Variants in PAAF1 observed in about 807,000 individuals in gnomAD.
The protein encoded by PAAF1 is proteasomal ATPase associated factor 1.
PAAF1 carries 46 observed loss-of-function variants against 52.8 expected under a neutral mutation model. That is an observed-to-expected ratio of 0.87 (90% CI 0.69 to 1.11). The LOEUF (loss-of-function observed/expected upper bound fraction) is 1.11, where lower values mean the gene tolerates loss of function less well. Ranked by LOEUF, PAAF1 falls within the 50% of genes most tolerant of loss-of-function variation. PAAF1 has a pLI of 0.00. For missense variants in PAAF1, 424 were observed against 477.4 expected (o/e 0.89, Z 1.04); for synonymous variants, 178 against 172.8 (o/e 1.03, Z -0.24).
chr11:73,897,328 G>A (rs1158644272), intron 4 of PAAF1, among the ~76,000 whole-genome samples: 8 of 151,856 alleles, frequency 5.3e-5, no homozygotes, highest in Non-Finnish European at 1.2e-4. Flanking sequence ...GCCAGGCGGA[G>A]ACGCTCCTCA....
intron 4 of PAAF1, 133 bp downstream of exon 4, chr11:73,891,334 C>T: frequency 1.8e-6 from 1 of 568,822 alleles, no homozygotes; most frequent in South Asian, 2.1e-5. Flanking sequence ...GATGATACAG[C>T]TGATGAAGTC....
At chr11:73,897,661 C>T (rs1463040105) in intron 4 of PAAF1, among the ~76,000 whole-genome samples, 2 of 144,436 alleles carry the variant, frequency 1.4e-5, no homozygotes, top group African/African-American at 2.8e-5. Context: ...ACTTTCCAGA[C>T]TGGGCGGCCG....
At chr11:73,921,275 C>A (rs1392488751) in intron 10 of PAAF1, among the ~76,000 whole-genome samples, 16 of 148,482 alleles carry the variant, frequency 1.1e-4, no homozygotes, top group African/African-American at 3.8e-4. Flanking sequence ...ACTCCAGCCT[C>A]AGCGACAGAG....
intron 1 of PAAF1, 94 bp downstream of exon 1, chr11:73,877,162 G>A (rs1948764761): frequency 7.8e-7 from 1 of 1,283,922 alleles, no homozygotes; most frequent in Non-Finnish European, 1.0e-6. Flanking sequence ...TATCAATAGG[G>A]GTTACTTCGT....
intron 2 of PAAF1, chr11:73,886,853 C>A (rs888137558): frequency 3.5e-6 from 1 of 284,552 alleles, no homozygotes; most frequent in Non-Finnish European, 7.1e-6. Context: ...TGGGGGCAGA[C>A]CCCTCATGAA....
intron 8 of PAAF1, 74 bp downstream of exon 8, chr11:73,914,578 A>C: frequency 7.9e-7 from 1 of 1,261,390 alleles, no homozygotes; most frequent in Admixed American, 1.8e-5. Flanking sequence ...GCTATTTTGG[A>C]AACATTTCTA....
At chr11:73,877,227 G>A in intron 1 of PAAF1, 159 bp downstream of exon 1, 1 of 687,366 alleles carries the variant, frequency 1.5e-6, no homozygotes, top group Non-Finnish European at 2.2e-6. Context: ...TATCAAACCC[G>A]TATGGTCATT....
At chr11:73,907,536 T>TG (rs1400360021) in intron 6 of PAAF1, among the ~76,000 whole-genome samples, 1 of 152,134 alleles carries the variant, frequency 6.6e-6, no homozygotes, top group Non-Finnish European at 1.5e-5. Flanking sequence ...GACTGACACC[T>TG]GGGAAGGGGT....
At chr11:73,918,272 A>G in intron 9 of PAAF1, among the ~76,000 whole-genome samples, 1 of 151,386 alleles carries the variant, frequency 6.6e-6, no homozygotes, top group East Asian at 1.9e-4. Context: ...TGCCATTCTA[A>G]GTTTATTCCA....
intron 10 of PAAF1, among the ~76,000 whole-genome samples, chr11:73,919,780 A>T (rs933703748): frequency 1.3e-5 from 2 of 152,192 alleles, no homozygotes; most frequent in Non-Finnish European, 2.9e-5. Context: ...TACAGCCTGG[A>T]GGGACTACCT....
At chr11:73,916,348 AC>A (rs1462427230) in intron 8 of PAAF1, among the ~76,000 whole-genome samples, 196 bp from the exon 9 acceptor site, 1 of 152,162 alleles carries the variant, frequency 6.6e-6, no homozygotes, top group Middle Eastern at 3.2e-3. Flanking sequence ...TCCTTAGTCA[AC>A]CCCAGGTTCC....
intron 4 of PAAF1, among the ~76,000 whole-genome samples, chr11:73,892,892 C>G (rs1284218564): frequency 2.0e-5 from 3 of 152,136 alleles, no homozygotes; most frequent in Admixed American, 6.5e-5. Context: ...AATCTCCTGA[C>G]CTTGTGATCC....
At chr11:73,879,455 A>G (rs748607662) in intron 2 of PAAF1, 1 of 152,204 alleles carries the variant, frequency 6.6e-6, no homozygotes, top group Non-Finnish European at 1.5e-5. Flanking sequence ...TTCAAATTGT[A>G]ACCGAGGTGG....
At chr11:73,921,957 A>T in intron 10 of PAAF1, 1 of 922,928 alleles carries the variant, frequency 1.1e-6, no homozygotes, top group East Asian at 3.0e-5. Context: ...GTTCCTTCAG[A>T]CACTCAGAAA....
chr11:73,906,657 T>C (rs938740263), intron 6 of PAAF1, among the ~76,000 whole-genome samples: 1 of 152,216 alleles, frequency 6.6e-6, no homozygotes, highest in Non-Finnish European at 1.5e-5. Context: ...AGACCCTAAA[T>C]TGGCTACTTT....
intron 4 of PAAF1, among the ~76,000 whole-genome samples, chr11:73,893,472 C>T (rs1431984088): frequency 6.6e-6 from 1 of 152,128 alleles, no homozygotes; most frequent in Non-Finnish European, 1.5e-5. Context: ...CGCAGTGGCT[C>T]ATGCCTGTAA....
intron 8 of PAAF1, among the ~76,000 whole-genome samples, chr11:73,914,767 A>G (rs1343954414): frequency 6.6e-6 from 1 of 150,772 alleles, no homozygotes; most frequent in East Asian, 1.9e-4. Flanking sequence ...CAGTGGCGCA[A>G]TCTCGGTTCA....
At chr11:73,908,303 ATATG>A (rs1262542507) in intron 6 of PAAF1, among the ~76,000 whole-genome samples, 1 of 144,868 alleles carries the variant, frequency 6.9e-6, no homozygotes, top group Non-Finnish European at 1.5e-5. Flanking sequence ...ATGTGTGTAT[ATATG>A]TATATATATG....
intron 4 of PAAF1, among the ~76,000 whole-genome samples, chr11:73,895,311 A>G (rs1429265260): frequency 6.6e-6 from 1 of 152,164 alleles, no homozygotes; most frequent in Non-Finnish European, 1.5e-5. Flanking sequence ...AGGGGAAATA[A>G]AAGTTTTCTT....
Sources: gnomAD v4.1 joint callset for allele counts (sites outside exome capture counted in the v4.1 genomes callset) on GRCh38, gnomAD v4.1.1 for gene constraint, MANE v1.5 for transcripts, NCBI Gene and HGNC (gene_info 2026-07-23, HGNC 2026-07-21) for gene names.